Variants in RAB11FIP3 observed in about 807,000 individuals in gnomAD.
RAB11FIP3 encodes the protein RAB11 family interacting protein 3.
A neutral mutation model predicts 77.8 loss-of-function variants in RAB11FIP3; 17 were observed. The observed-to-expected ratio is 0.22, with a 90% CI of 0.15 to 0.33. RAB11FIP3 has a LOEUF of 0.33. Among genes scored for constraint, RAB11FIP3 ranks in the 10% least tolerant of loss-of-function variants. RAB11FIP3 has a pLI of 1.00. For missense variants in RAB11FIP3, 1,005 were observed against 1,011.2 expected (o/e 0.99, Z 0.08); for synonymous variants, 437 against 448.2 (o/e 0.98, Z 0.31).
chr16:432,642 C>T (rs2055057111), intron 1 of RAB11FIP3, among the ~76,000 whole-genome samples: 1 of 148,178 alleles, frequency 6.7e-6, no homozygotes, highest in Non-Finnish European at 1.5e-5. Context: ...CTCTGTGGCC[C>T]AGGCTGGAGT....
At chr16:495,552 A>T (rs2031047990) in intron 5 of RAB11FIP3, among the ~76,000 whole-genome samples, 1 of 152,178 alleles carries the variant, frequency 6.6e-6, no homozygotes, top group South Asian at 2.1e-4. Context: ...GGCCCTGCAG[A>T]GAGTGGTCAG....
chr16:504,026 ACCCCCTCACTACCTCCTG>A (rs1314872408), intron 7 of RAB11FIP3, among the ~76,000 whole-genome samples: 33 of 30,340 alleles, frequency 1.1e-3, no homozygotes, highest in Non-Finnish European at 1.8e-3. Context: ...TACCTCCTGT[ACCCCCTCACTACCTCCTG>A]TACCCCCTCA....
chr16:458,996 G>T (rs1567368539), intron 1 of RAB11FIP3, among the ~76,000 whole-genome samples: 1 of 152,240 alleles, frequency 6.6e-6, no homozygotes, highest in East Asian at 1.9e-4. Flanking sequence ...CCAGATTCTA[G>T]AGGTATTTCT....
intron 8 of RAB11FIP3, among the ~76,000 whole-genome samples, chr16:508,949 G>GCAA: frequency 6.6e-6 from 1 of 150,870 alleles, no homozygotes; most frequent in Non-Finnish European, 1.5e-5. Context: ...TGTTGCCCAG[G>GCAA]CTGTAGTGCA....
intron 1 of RAB11FIP3, among the ~76,000 whole-genome samples, chr16:440,955 T>TA (rs934177785): frequency 7.2e-5 from 11 of 151,924 alleles, no homozygotes; most frequent in African/African-American, 2.7e-4. Flanking sequence ...TTTTTTTTTT[T>TA]ATTGAGACGG....
chr16:441,504 A>C (rs1375713527), intron 1 of RAB11FIP3, among the ~76,000 whole-genome samples: 1 of 152,168 alleles, frequency 6.6e-6, no homozygotes, highest in Non-Finnish European at 1.5e-5. Flanking sequence ...TAGACCAGTG[A>C]TGAAAATTAA....
rs773367733 is a variant in RAB11FIP3 at position 482,660 on chromosome 16, G to A, written c.1039G>A (p.Gly347Ser). The A allele has an allele frequency of 1.7e-5, 27 of 1,612,832 alleles. No homozygotes were observed. Among genetic ancestry groups the A allele is most frequent in the East Asian group, 4.5e-5 (2 of 44,886 alleles). Residue 347 changes from glycine to serine, a missense_variant, in exon 4 of 14, where the codon GGC becomes AGC. Physicochemically the swap from Gly to Ser is moderately conservative, Grantham distance 56. Coordinates refer to ENST00000262305, the MANE Select transcript of RAB11FIP3 (RefSeq NM_014700.4). ...QPEGDADSAG[G>S]SAVPSECLDA... ...TGAAGGGGACGCAGACAGTGCCGGC[G>A]GCTCGGCCGTGCCCTCTGAGTGCCT...
At chr16:520,051 C>T (rs978839747) in intron 11 of RAB11FIP3, 71 bp from the exon 12 acceptor site, 36 of 1,536,290 alleles carry the variant, frequency 2.3e-5, no homozygotes, top group African/African-American at 1.4e-4. Context: ...TGAGGTTCTA[C>T]AGCCAAGTGA....
chr16:449,613 C>T (rs981547895), intron 1 of RAB11FIP3, among the ~76,000 whole-genome samples: 15 of 149,404 alleles, frequency 1.0e-4, no homozygotes, highest in Non-Finnish European at 1.5e-4. Context: ...CACACCACTG[C>T]ACTCCAGCCT....
chr16:433,028 C>CTTTTT (rs920883186), intron 1 of RAB11FIP3, among the ~76,000 whole-genome samples: 2 of 40,886 alleles, frequency 4.9e-5, no homozygotes, highest in Admixed American at 3.6e-4. Flanking sequence ...CCATATTTAT[C>CTTTTT]TTTTTTTTTT....
At chr16:494,497 C>T (rs975059485) in intron 5 of RAB11FIP3, among the ~76,000 whole-genome samples, 1 of 151,800 alleles carries the variant, frequency 6.6e-6, no homozygotes, top group Non-Finnish European at 1.5e-5. Flanking sequence ...TGGCGGGCGC[C>T]TGTAGTCCCA....
Position 472,727 on chromosome 16 carries a change from A to G in RAB11FIP3, c.903+1338A>G, listed in dbSNP as rs1210539030. Among the ~76,000 whole-genome samples the G allele has an allele frequency of 1.3e-5, 2 of 152,062 alleles. No individual in the cohort carries two copies. The highest frequency in any genetic ancestry group is 2.9e-5 in the Non-Finnish European group (2 of 68,008). On this transcript the variant is annotated intron_variant, in intron 3 of 13. Transcript: ENST00000262305. This position sits in a 1 kb window ranked among gnomAD's most constrained non-coding sequence, Gnocchi z 4.1. ...GGGCATTGTTGATTGTTTATATCCT[A>G]TGTATGGTGCAGTGGCTGAAGAGTG...
chr16:438,496 C>A (rs1277107193), intron 1 of RAB11FIP3, among the ~76,000 whole-genome samples: 2 of 148,900 alleles, frequency 1.3e-5, no homozygotes, highest in Admixed American at 1.3e-4. Flanking sequence ...ACCTCCGCTT[C>A]CAGGGTTCAA....
chr16:488,881 G>C lies in RAB11FIP3; in HGVS notation c.1146G>C (p.Thr382=), dbSNP rs146483534. 1.8e-5 allele frequency: 29 copies of C among 1,613,910 alleles called. 1 individual carries two copies. The highest frequency in any genetic ancestry group is 3.3e-5 in the Admixed American group (2 of 59,990). Residue 382 remains threonine (T), a synonymous_variant, in exon 5 of 14, where the codon ACG becomes ACC. Coordinates refer to ENST00000262305, the MANE Select transcript of RAB11FIP3 (RefSeq NM_014700.4). The stretch of plus-strand genomic sequence containing the variant: ...ACCCCCATGGCCAGTCTGTCATCAC[G>C]GTGATCGGGGGCGAGGAGCACTTTG... ...RPHPHGQSVI[T]VIGGEEHFED...
intron 2 of RAB11FIP3, among the ~76,000 whole-genome samples, chr16:464,000 G>A (rs189694402): frequency 6.6e-6 from 1 of 152,318 alleles, no homozygotes; most frequent in East Asian, 1.9e-4. Context: ...TGACAACCAG[G>A]TAAAGACCAT....
chr16:447,321 GAGTC>G (rs530815511), intron 1 of RAB11FIP3, among the ~76,000 whole-genome samples: 214 of 152,046 alleles, frequency 1.4e-3, no homozygotes, highest in Middle Eastern at 6.8e-3. Context: ...GGAAAAAAGA[GAGTC>G]AGAGAGAGAG....
At chr16:500,845 A>G (rs1479199529) in intron 6 of RAB11FIP3, among the ~76,000 whole-genome samples, 3 of 152,108 alleles carry the variant, frequency 2.0e-5, no homozygotes, top group African/African-American at 7.2e-5. Context: ...CAGCCCCAGA[A>G]GTGCCTACGC....
intron 5 of RAB11FIP3, 135 bp from the exon 6 acceptor site, chr16:496,689 C>T: frequency 1.2e-6 from 1 of 823,956 alleles, no homozygotes. Context: ...ATGGACTTGC[C>T]TGGGGGGCCC....
At chr16:476,127 A>T (rs2055903438) in intron 3 of RAB11FIP3, among the ~76,000 whole-genome samples, 1 of 152,214 alleles carries the variant, frequency 6.6e-6, no homozygotes, top group African/African-American at 2.4e-5. Flanking sequence ...AAGTGCTGGG[A>T]TTACAGTGAG....
Sources: allele counts gnomAD v4.1 joint callset (sites outside exome capture counted in the v4.1 genomes callset), GRCh38; gene constraint gnomAD v4.1.1; non-coding constraint Gnocchi (gnomAD v3.1); transcripts MANE v1.5; gene names NCBI Gene and HGNC (gene_info 2026-07-23, HGNC 2026-07-21).